Variants in UGGT2 observed in about 807,000 individuals in gnomAD.
UGGT2 encodes UDP-glucose:glycoprotein glucosyltransferase 2.
A neutral mutation model predicts 192.1 loss-of-function variants in UGGT2; 180 were observed. The observed-to-expected ratio is 0.94, with a 90% CI of 0.83 to 1.06. UGGT2 has a LOEUF of 1.06. Ranked by LOEUF, UGGT2 falls within the 50% of genes least tolerant of loss-of-function variation. UGGT2 has a pLI of 0.00. For missense variants in UGGT2, 1,849 were observed against 1,795.7 expected (o/e 1.03, Z -0.54); for synonymous variants, 580 against 591.0 (o/e 0.98, Z 0.27).
At chr13:96,049,351 G>A (rs1470918964) in intron 1 of UGGT2, among the ~76,000 whole-genome samples, 1 of 152,148 alleles carries the variant, frequency 6.6e-6, no homozygotes, top group Non-Finnish European at 1.5e-5. Context: ...AGCTATTTAT[G>A]ACAAATCTGC....
intron 10 of UGGT2, 41 bp downstream of exon 10, chr13:95,983,763 A>T (rs1275010424): frequency 1.5e-5 from 21 of 1,356,886 alleles, no homozygotes; most frequent in African/African-American, 2.9e-5. Context: ...AAACAGTGAT[A>T]TTAGTTGGGT....
In UGGT2 at chr13:95,863,666, C is replaced by T. The variant is rs1364081445; in HGVS notation, c.3607G>A (p.Asp1203Asn). 1 of 1,612,420 alleles carries T rather than the reference C, an allele frequency of 6.2e-7. No individual in the cohort carries two copies. Among genetic ancestry groups the T allele is most frequent in the African/African-American group, 1.3e-5 (1 of 74,826 alleles). ...KIKEDILTDE[D>N]EKTKGLWDSI... The stretch of plus-strand genomic sequence containing the variant: ...TCCCACAGTCCTTTTGTTTTTTCAT[C>T]TTCATCGGTAAGGATATCTTCCTTA... Residue 1203 changes from aspartate (D) to asparagine (N), a missense_variant, in exon 31 of 39, where the codon GAT (aspartate) becomes AAT (asparagine). Transcript: ENST00000376747.
intron 31 of UGGT2, among the ~76,000 whole-genome samples, chr13:95,861,206 C>T (rs911000644): frequency 1.3e-5 from 2 of 151,704 alleles, no homozygotes. Flanking sequence ...ATCTAGTGTA[C>T]TGAAAGTTTA....
chr13:95,889,786 T>C (rs933991261), intron 25 of UGGT2, among the ~76,000 whole-genome samples: 11 of 152,208 alleles, frequency 7.2e-5, no homozygotes, highest in Non-Finnish European at 1.3e-4. Context: ...CTTGTGGGCA[T>C]AGTTTCCAGC....
At chr13:95,977,554 G>A (rs1043417498) in intron 10 of UGGT2, among the ~76,000 whole-genome samples, 1 of 152,212 alleles carries the variant, frequency 6.6e-6, no homozygotes, top group Non-Finnish European at 1.5e-5. Context: ...ACAGATGCTG[G>A]AGAGGATGTG....
rs2050945348 is a variant in UGGT2, at chr13:95,976,618, T to C, written c.1093-3947A>G. Among the ~76,000 whole-genome samples, 3 of 152,050 alleles carry C rather than the reference T, an allele frequency of 2.0e-5. No homozygotes were observed. In the South Asian group the frequency reaches 6.2e-4, roughly 31 times the overall value. On this transcript the variant is annotated intron_variant, in intron 10 of 38. Transcript: ENST00000376747. The stretch of plus-strand genomic sequence containing the variant: ...TTTTTGTTTTAGAAAAAAGCCATTT[T>C]CCATACTGTCCAAAGTAATTTATGG...
chr13:95,958,908 T>C (rs1393528359), intron 12 of UGGT2, among the ~76,000 whole-genome samples: 1 of 152,108 alleles, frequency 6.6e-6, no homozygotes. Context: ...AACCTAACCA[T>C]GGAAAAGCCC....
At chr13:95,956,383 C>T (rs1031598276) in intron 12 of UGGT2, among the ~76,000 whole-genome samples, 1 of 152,126 alleles carries the variant, frequency 6.6e-6, no homozygotes, top group Non-Finnish European at 1.5e-5. Context: ...AGGCAACCTA[C>T]AGAATGGGAA....
rs79325498 is a variant in UGGT2 at position 95,871,400 on chromosome 13, G to A, written c.3474-3977C>T. Among the ~76,000 whole-genome samples, 45 of 152,288 alleles carry A rather than the reference G, an allele frequency of 3.0e-4. 1 individual carries two copies. The East Asian group carries it at 7.0e-3, about 24-fold the overall frequency. On this transcript the variant is annotated intron_variant, in intron 29 of 38. Transcript: ENST00000376747. ...AAGAGTTTCCTTACAGAGAGCTGTT[G>A]TCAGATTGTGAGTCTCCACCACTAC...
chr13:95,873,257 C>T (rs559613975), intron 29 of UGGT2, among the ~76,000 whole-genome samples: 46 of 152,268 alleles, frequency 3.0e-4, no homozygotes, highest in Non-Finnish European at 5.9e-4. Context: ...AATGTTACAG[C>T]CTATTTTGCT....
At chr13:96,021,400 G>T (rs2139111375) in intron 4 of UGGT2, among the ~76,000 whole-genome samples, 1 of 152,240 alleles carries the variant, frequency 6.6e-6, no homozygotes, top group South Asian at 2.1e-4. Flanking sequence ...TCCTTTAAAA[G>T]ATGCACTAGT....
intron 38 of UGGT2, among the ~76,000 whole-genome samples, chr13:95,817,649 C>T (rs1418154496): frequency 2.0e-5 from 3 of 151,826 alleles, no homozygotes; most frequent in Admixed American, 6.6e-5. Flanking sequence ...CTAAAACTTA[C>T]GAATGTTGAA....
intron 2 of UGGT2, among the ~76,000 whole-genome samples, chr13:96,030,052 A>T (rs3782989): frequency 1.3e-5 from 2 of 152,016 alleles, no homozygotes; most frequent in Non-Finnish European, 2.9e-5. Context: ...TGAGGACAAC[A>T]GACAGTAATT....
intron 33 of UGGT2, among the ~76,000 whole-genome samples, chr13:95,858,115 A>T (rs1889795377): frequency 6.6e-6 from 1 of 151,768 alleles, no homozygotes; most frequent in Admixed American, 6.6e-5. Context: ...CCTGGGTTCA[A>T]ATCTCAGCTG....
At chr13:95,851,065 T>C (rs1196051058) in intron 36 of UGGT2, among the ~76,000 whole-genome samples, 2 of 152,206 alleles carry the variant, frequency 1.3e-5, no homozygotes, top group African/African-American at 2.4e-5. Context: ...ATTTGTAAAG[T>C]TTCCCCAATT....
At chr13:95,927,566 G>A (rs1258718098) in intron 17 of UGGT2, among the ~76,000 whole-genome samples, 1 of 150,632 alleles carries the variant, frequency 6.6e-6, no homozygotes, top group Non-Finnish European at 1.5e-5. Flanking sequence ...AATCATGGTA[G>A]TAACCATTTC....
intron 12 of UGGT2, among the ~76,000 whole-genome samples, chr13:95,953,860 G>A (rs1335586036): frequency 6.6e-6 from 1 of 152,176 alleles, no homozygotes; most frequent in African/African-American, 2.4e-5. Flanking sequence ...AAGGCTGCCA[G>A]AGGCCATGTG....
chr13:95,909,785 A>ATAAG (rs2048422795), intron 20 of UGGT2, among the ~76,000 whole-genome samples: 2 of 89,006 alleles, frequency 2.2e-5, no homozygotes, highest in African/African-American at 3.6e-5. Context: ...ATAATAAAAA[A>ATAAG]GATTCCTGCC....
chr13:95,807,971 T>C (rs1010810457), intron 38 of UGGT2, among the ~76,000 whole-genome samples: 3 of 152,124 alleles, frequency 2.0e-5, no homozygotes, highest in Admixed American at 6.5e-5. Flanking sequence ...AAAGAGTACT[T>C]TGTGTAACAA....
Sources: allele counts gnomAD v4.1 joint callset (sites outside exome capture counted in the v4.1 genomes callset), GRCh38; gene constraint gnomAD v4.1.1; transcripts MANE v1.5; gene names NCBI Gene and HGNC (gene_info 2026-07-23, HGNC 2026-07-21).